MAST2: variants seen among roughly 807,000 people sequenced by gnomAD.
MAST2 encodes the protein microtubule-associated serine/threonine-protein kinase 2.
MAST2 carries 70 observed loss-of-function variants against 147.4 expected under a neutral mutation model. That is an observed-to-expected ratio of 0.47 (90% CI 0.39 to 0.58). The LOEUF (loss-of-function observed/expected upper bound fraction) is 0.58, where lower values mean the gene tolerates loss of function less well. MAST2 is among the 20% of genes least tolerant of loss of function. The pLI is 0.00. For synonymous variants in MAST2, 869 were observed against 896.8 expected (o/e 0.97, Z 0.55); for missense variants, 2,080 against 2,302.3 (o/e 0.90, Z 1.98).
intron 2 of MAST2, among the ~76,000 whole-genome samples, chr1:45,828,437 A>G (rs552713125): frequency 2.0e-5 from 3 of 152,340 alleles, no homozygotes; most frequent in South Asian, 4.1e-4. Flanking sequence ...GAGACCAGAA[A>G]GATAATCTGG....
chr1:45,922,536 A>T (rs1306098800), intron 4 of MAST2, among the ~76,000 whole-genome samples: 3 of 152,140 alleles, frequency 2.0e-5, no homozygotes, highest in Non-Finnish European at 4.4e-5. Flanking sequence ...GCATGTGCAC[A>T]CTCAGCTGGG....
intron 4 of MAST2, among the ~76,000 whole-genome samples, chr1:45,921,740 C>T (rs905624145): frequency 5.9e-5 from 9 of 152,300 alleles, no homozygotes; most frequent in East Asian, 1.9e-4. Flanking sequence ...AGCTCAGGCT[C>T]GGGGAGCTCT....
intron 1 of MAST2, among the ~76,000 whole-genome samples, chr1:45,808,305 A>G (rs1201611436): frequency 6.6e-6 from 1 of 151,920 alleles, no homozygotes; most frequent in Non-Finnish European, 1.5e-5. Flanking sequence ...ATCTCGGCTT[A>G]TTGTAACCTC....
At chr1:45,859,527 G>A (rs1047462518) in intron 3 of MAST2, among the ~76,000 whole-genome samples, 15 of 152,208 alleles carry the variant, frequency 9.9e-5, no homozygotes, top group Non-Finnish European at 2.9e-5. Context: ...TGCAAGAGAA[G>A]TACTCATAAT....
intron 4 of MAST2, among the ~76,000 whole-genome samples, chr1:45,901,955 T>C (rs1649837334): frequency 6.6e-6 from 1 of 152,166 alleles, no homozygotes; most frequent in Admixed American, 6.5e-5. Flanking sequence ...CTGTTCCTAT[T>C]TGGATGCTTT....
At chr1:45,848,257 G>T (rs1489831285) in intron 3 of MAST2, among the ~76,000 whole-genome samples, 1 of 152,180 alleles carries the variant, frequency 6.6e-6, no homozygotes, top group Non-Finnish European at 1.5e-5. Flanking sequence ...CCCTTGGCTG[G>T]TATCTGGAAA....
At chr1:46,010,988 G>A in intron 10 of MAST2, 49 bp downstream of exon 10, 2 of 1,493,768 alleles carry the variant, frequency 1.3e-6, no homozygotes, top group Non-Finnish European at 1.9e-6. Context: ...CCTGGTATTG[G>A]ATTTGTAATC....
chr1:45,824,280 A>G (rs1452046967), intron 1 of MAST2, among the ~76,000 whole-genome samples, 153 bp from the exon 2 acceptor site: 1 of 152,212 alleles, frequency 6.6e-6, no homozygotes, highest in Non-Finnish European at 1.5e-5. Context: ...GCTTTTACTA[A>G]GAAATATGTT....
intron 4 of MAST2, among the ~76,000 whole-genome samples, chr1:45,887,222 A>G (rs1215878839): frequency 6.6e-6 from 1 of 152,212 alleles, no homozygotes; most frequent in Non-Finnish European, 1.5e-5. Context: ...GTTACCCTGA[A>G]AGTAAAGCTT....
chr1:45,811,312 C>T (rs193051273), intron 1 of MAST2, among the ~76,000 whole-genome samples: 4 of 150,820 alleles, frequency 2.7e-5, no homozygotes, highest in Non-Finnish European at 4.4e-5. Flanking sequence ...GATGCCACCA[C>T]GCCCAGCTAA....
chr1:45,913,715 G>A lies in MAST2; in HGVS notation c.500+31320G>A, dbSNP rs574946620. 4.2e-5 allele frequency: 42 copies of A among 1,010,662 alleles called. 1 individual carries two copies. Among genetic ancestry groups the A allele is most frequent in the Middle Eastern group, 2.8e-4 (1 of 3,592 alleles). The allele number at this position is 1,010,662 out of a possible 1,614,324, so 62.6% of individuals were successfully genotyped here. A position where few individuals can be genotyped will look rare whatever the true frequency, so the allele number is the denominator to read the frequency against. On this transcript the variant is annotated intron_variant, in intron 4 of 28. Transcript: ENST00000361297. ...GAAGAAAAGTACTTTAATTTTTGCC[G>A]TAAGTTTGGGAAGCTTTTATAATTT...
chr1:45,918,312 G>C (rs1325410175), intron 4 of MAST2, among the ~76,000 whole-genome samples: 1 of 152,212 alleles, frequency 6.6e-6, no homozygotes, highest in Non-Finnish European at 1.5e-5. Context: ...GAAGTGCCAG[G>C]GGCCTGATCT....
Position 46,028,691 on chromosome 1 carries a change from G to T in MAST2, c.2053-77G>T. On this transcript the variant is annotated intron_variant, in intron 17 of 28. Transcript: ENST00000361297. ...TCAGAGATTCTTCTGCTCGAGATGG[G>T]AGCATCCCCCATCTCCGGCTGTCAT... The T allele has an allele frequency of 2.0e-6, 3 of 1,493,374 alleles. 1 individual carries two copies. The highest frequency in any genetic ancestry group is 2.3e-5 in the South Asian group (2 of 86,406). 92.5% of individuals were successfully genotyped at this position (1,493,374 alleles called of 1,614,324 possible). A position where few individuals can be genotyped will look rare whatever the true frequency, so the allele number is the denominator to read the frequency against.
chr1:45,980,222 T>C (rs2149050474), intron 5 of MAST2, among the ~76,000 whole-genome samples: 1 of 132,216 alleles, frequency 7.6e-6, no homozygotes, highest in East Asian at 2.2e-4. Flanking sequence ...GAGATGGAGG[T>C]TGAAATCGCC....
At chr1:45,849,772 T>G (rs1432712266) in intron 3 of MAST2, among the ~76,000 whole-genome samples, 1 of 152,180 alleles carries the variant, frequency 6.6e-6, no homozygotes, top group East Asian at 1.9e-4. Context: ...GTGATCTGCC[T>G]GCCTCAGCCT....
intron 4 of MAST2, among the ~76,000 whole-genome samples, chr1:45,907,228 C>T (rs1299920317): frequency 6.6e-6 from 1 of 152,148 alleles, no homozygotes; most frequent in African/African-American, 2.4e-5. Flanking sequence ...GGATGTCTTT[C>T]AGAGAGCAGA....
At chr1:45,949,691 C>G (rs183031061) in intron 4 of MAST2, among the ~76,000 whole-genome samples, 2 of 152,280 alleles carry the variant, frequency 1.3e-5, no homozygotes, top group African/African-American at 4.8e-5. Flanking sequence ...GCAGAAGTAC[C>G]ATTTGACCCA....
At chr1:46,027,704 C>G (rs376901623) in intron 16 of MAST2, 27 bp from the exon 17 acceptor site, 1 of 1,599,700 alleles carries the variant, frequency 6.3e-7, no homozygotes, top group East Asian at 2.3e-5. Flanking sequence ...GGAATAACTT[C>G]TTAATTTTAT....
At chr1:45,977,160 T>C (rs1644194343) in intron 5 of MAST2, among the ~76,000 whole-genome samples, 2 of 152,176 alleles carry the variant, frequency 1.3e-5, no homozygotes, top group African/African-American at 4.8e-5. Context: ...AAACAGGATA[T>C]AAAGGATAAG....
Sources: allele counts gnomAD v4.1 joint callset (sites outside exome capture counted in the v4.1 genomes callset), GRCh38; gene constraint gnomAD v4.1.1; transcripts MANE v1.5; gene names NCBI Gene and HGNC (gene_info 2026-07-23, HGNC 2026-07-21).